The following TOM1 variants were observed in gnomAD, a reference collection of about 807,000 sequenced individuals.
The protein encoded by TOM1 is target of Myb protein 1.
A neutral mutation model predicts 61.3 loss-of-function variants in TOM1; 38 were observed. The ratio of observed to expected loss-of-function variants is 0.62; its 90% CI spans 0.48 to 0.81. The LOEUF (loss-of-function observed/expected upper bound fraction) is 0.81, where lower values mean the gene tolerates loss of function less well. Ranked by LOEUF, TOM1 falls within the 40% of genes least tolerant of loss-of-function variation. The pLI is 0.00. For missense variants in TOM1, 591 were observed against 659.6 expected, an observed-to-expected ratio of 0.90 and a Z score of 1.14; for synonymous variants, 270 against 268.8, an observed-to-expected ratio of 1.00 and a Z score of -0.04.
Position 35,323,829 on chromosome 22 carries a change from A to T in TOM1, c.563A>T (p.Gln188Leu), listed in dbSNP as rs1286878592. The change falls in exon 6 of 15, where the codon CAA (glutamine) becomes CTA (leucine). Residue 188 changes from glutamine to leucine, a missense_variant. Transcript: ENST00000449058. This position sits in a 1 kb window ranked among gnomAD's most constrained non-coding sequence, Gnocchi z 4.2. Reference protein sequence around the residue: ...QDSVGTDSSQQEDSGQHAAPL... With the variant: ...QDSVGTDSSQLEDSGQHAAPL... The stretch of plus-strand genomic sequence containing the variant: ...TCTGTGGGCACTGACTCCAGCCAGC[A>T]AGAGGACTCTGGCCAGCATGCTGCC... The T allele has an allele frequency of 6.2e-7, 1 of 1,613,142 alleles. No individual in the cohort carries two copies. The highest frequency in any genetic ancestry group is 8.5e-7 in the Non-Finnish European group (1 of 1,179,558).
intron 2 of TOM1, among the ~76,000 whole-genome samples, chr22:35,321,264 G>A (rs566607942): frequency 6.6e-6 from 1 of 152,122 alleles, no homozygotes; most frequent in South Asian, 2.1e-4. Flanking sequence ...TGGGGAGCAT[G>A]AGAAGCATTC....
intron 1 of TOM1, among the ~76,000 whole-genome samples, chr22:35,302,238 C>A (rs369055636): frequency 6.6e-6 from 1 of 151,416 alleles, no homozygotes; most frequent in Non-Finnish European, 1.5e-5. Context: ...TAAATAATGT[C>A]GGGGCCCCAA....
intron 11 of TOM1, among the ~76,000 whole-genome samples, chr22:35,337,851 G>A (rs1019064946): frequency 5.9e-5 from 9 of 152,220 alleles, no homozygotes; most frequent in Non-Finnish European, 1.2e-4. Context: ...TCTGCCGGCA[G>A]TTCAGGGCGA....
chr22:35,313,478 C>T (rs1927016505), intron 1 of TOM1, among the ~76,000 whole-genome samples: 1 of 152,208 alleles, frequency 6.6e-6, no homozygotes, highest in Non-Finnish European at 1.5e-5. Context: ...AGCTCGGTTA[C>T]TCATTGCTAG....
At chr22:35,309,636 T>C (rs758529972) in intron 1 of TOM1, among the ~76,000 whole-genome samples, 1,144 of 107,084 alleles carry the variant, frequency 0.011, 9 homozygotes, top group Middle Eastern at 0.018. Context: ...AGAGTGAGAC[T>C]CCATCTCAAA....
intron 1 of TOM1, among the ~76,000 whole-genome samples, chr22:35,313,669 G>A (rs1417183507): frequency 6.6e-6 from 1 of 152,224 alleles, no homozygotes; most frequent in Non-Finnish European, 1.5e-5. Context: ...CTCCATGAGG[G>A]GCAGGTGGGT....
intron 11 of TOM1, among the ~76,000 whole-genome samples, chr22:35,337,934 C>T (rs1929519240): frequency 6.6e-6 from 1 of 152,242 alleles, no homozygotes; most frequent in Admixed American, 6.5e-5. Context: ...ACTGCGGCAG[C>T]TGGGAAAGAC....
At chr22:35,305,230 G>A (rs138752) in intron 1 of TOM1, among the ~76,000 whole-genome samples, 78,184 of 152,108 alleles carry the variant, frequency 0.51, 22,923 homozygotes, top group Non-Finnish European at 0.65. Context: ...ACTATGTCAC[G>A]GTCCCTCTCC....
chr22:35,328,601 A>G (rs1444554140), intron 7 of TOM1, among the ~76,000 whole-genome samples: 1 of 152,202 alleles, frequency 6.6e-6, no homozygotes, highest in Non-Finnish European at 1.5e-5. Flanking sequence ...AAGCAGAAGC[A>G]AAGCCACCGT....
chr22:35,331,018 C>G (rs1928792220), intron 8 of TOM1, among the ~76,000 whole-genome samples: 1 of 152,024 alleles, frequency 6.6e-6, no homozygotes, highest in South Asian at 2.1e-4. Context: ...AGCAGAAATT[C>G]CTGGACCATC....
chr22:35,333,094 T>G, intron 9 of TOM1, 80 bp downstream of exon 9: 1 of 1,452,586 alleles, frequency 6.9e-7, no homozygotes. Flanking sequence ...CCTCCCCTAG[T>G]AAACTGGACA....
chr22:35,318,139 A>C, intron 2 of TOM1, 178 bp downstream of exon 2: 2 of 602,828 alleles, frequency 3.3e-6, no homozygotes, highest in Non-Finnish European at 6.0e-6. Context: ...GCCCCATCCA[A>C]GGTAGGAATT....
chr22:35,334,294 A>C (rs946232835), intron 10 of TOM1, 34 bp from the exon 11 acceptor site: 3 of 1,595,634 alleles, frequency 1.9e-6, no homozygotes, highest in Admixed American at 1.8e-5. Context: ...AAGCTTGTGG[A>C]TGGGTCTTTC....
chr22:35,334,344 T>C lies in TOM1; in HGVS notation c.1044T>C (p.Ser348=). The C allele has an allele frequency of 3.1e-6, 5 of 1,613,882 alleles. No individual in the cohort carries two copies. The highest frequency in any genetic ancestry group is 3.4e-6 in the Non-Finnish European group (4 of 1,179,854). Residue 348 remains serine, a synonymous_variant, in exon 11 of 15, where the codon AGT becomes AGC. Transcript: ENST00000449058. The part of the protein sequence containing the change: ...QLAGMNLGSS[S]VRAGLQSLEA... ...TCCCTGCAGACCTGGGCTCCAGCAG[T>C]GTGAGAGCTGGCCTGCAGTCTCTGG...
Position 35,323,182 on chromosome 22 carries a change from G to A in TOM1, c.366+5G>A. 6.2e-7 allele frequency: 1 copy of A among 1,613,458 alleles called. No homozygotes were observed. The highest frequency in any genetic ancestry group is 8.5e-7 in the Non-Finnish European group (1 of 1,180,010). ...AAAGTGCTCAACCTCATCCAGGTGA[G>A]TGCCAGGACAGGGCAGGGCACGGCC... On this transcript the variant is annotated splice_donor_5th_base_variant and intron_variant, in intron 4 of 14. Transcript: ENST00000449058. The surrounding 1 kb of genome is among the most constrained non-coding windows in gnomAD (Gnocchi z 4.2).
chr22:35,317,984 T>C (rs766313056), intron 2 of TOM1, 23 bp downstream of exon 2: 11 of 1,600,530 alleles, frequency 6.9e-6, no homozygotes, highest in African/African-American at 1.4e-5. Flanking sequence ...CAAGGAGAGG[T>C]TGGGGGCAGA....
chr22:35,321,706 G>A (rs987566630), intron 2 of TOM1: 2 of 602,500 alleles, frequency 3.3e-6, no homozygotes, highest in Non-Finnish European at 6.4e-6. Flanking sequence ...GCCAGGTTCT[G>A]CACTTTTAAC....
rs936142562 is a variant in TOM1 at position 35,347,368 on chromosome 22, G to A, written c.*159G>A. ...GGAGCTGCCCCAGCTGTGGCTGGGG[G>A]TGTGGAGGCAGTGGGATGAACTGGG... On this transcript the variant is annotated 3_prime_UTR_variant, in exon 15 of 15. Transcript: ENST00000449058. 9.7e-6 allele frequency: 7 copies of A among 720,114 alleles called. No individual in the cohort carries two copies. Among genetic ancestry groups the A allele is most frequent in the East Asian group, 8.6e-5 (3 of 35,026 alleles). The allele number at this position is 720,114 out of a possible 1,614,324, so 44.6% of individuals were successfully genotyped here.
chr22:35,326,065 T>C (rs1166803096), intron 6 of TOM1, among the ~76,000 whole-genome samples: 3 of 152,226 alleles, frequency 2.0e-5, no homozygotes, highest in African/African-American at 7.2e-5. Flanking sequence ...CATTTCTTCA[T>C]CTATAAAAGC....
Sources: gnomAD v4.1 joint callset for allele counts (sites outside exome capture counted in the v4.1 genomes callset) on GRCh38, gnomAD v4.1.1 for gene constraint, Gnocchi (gnomAD v3.1) non-coding constraint, MANE v1.5 for transcripts, NCBI Gene and HGNC (gene_info 2026-07-23, HGNC 2026-07-21) for gene names.